Variants in NEK10 observed in about 807,000 individuals in gnomAD.
The protein encoded by NEK10 is serine/threonine-protein kinase Nek10.
Under a neutral mutation model 159.8 loss-of-function variants are expected in NEK10, and 122 were observed. The ratio of observed to expected loss-of-function variants is 0.76; its 90% CI spans 0.66 to 0.89. The LOEUF is 0.89. Ranked by LOEUF, NEK10 falls within the 40% of genes least tolerant of loss-of-function variation. The pLI, the probability that NEK10 is intolerant of heterozygous loss-of-function variation, is 0.00. For synonymous variants in NEK10, 466 were observed against 457.1 expected, an observed-to-expected ratio of 1.02 and a Z score of -0.25; for missense variants, 1,342 against 1,323.1, an observed-to-expected ratio of 1.01 and a Z score of -0.22.
Position 27,352,532 on chromosome 3 carries a change from G to C in NEK10, c.72-7C>G. On this transcript the variant is annotated splice_region_variant and splice_polypyrimidine_tract_variant and intron_variant, in intron 2 of 35. Coordinates refer to ENST00000691995, the MANE Select transcript of NEK10 (RefSeq NM_001394966.1). ...TTTAAGATCTGAATAGTCCCTAGGAGAGAGAATAACACAATGTGAACCCAC... is the reference window on the plus strand; with the variant it reads ...TTTAAGATCTGAATAGTCCCTAGGACAGAGAATAACACAATGTGAACCCAC... The C allele has an allele frequency of 6.2e-7, 1 of 1,601,236 alleles. No individual in the cohort carries two copies. Among genetic ancestry groups the C allele is most frequent in the Non-Finnish European group, 8.6e-7 (1 of 1,168,440 alleles).
chr3:27,252,790 A>G (rs902421570), intron 23 of NEK10: 10 of 439,506 alleles, frequency 2.3e-5, no homozygotes, highest in African/African-American at 4.0e-5. Context: ...GAGGGAGCCC[A>G]GATGAAACAG....
chr3:27,276,202 A>G (rs944304219), intron 22 of NEK10, among the ~76,000 whole-genome samples: 5 of 152,070 alleles, frequency 3.3e-5, no homozygotes, highest in African/African-American at 1.2e-4. Flanking sequence ...CAGAGAAAGA[A>G]GGTCAAGAAA....
At chr3:27,125,870 C>A (rs1296968988) in intron 32 of NEK10, among the ~76,000 whole-genome samples, 1 of 152,156 alleles carries the variant, frequency 6.6e-6, no homozygotes, top group Non-Finnish European at 1.5e-5. Context: ...AACCACTGTT[C>A]TACACTACTT....
intron 23 of NEK10, among the ~76,000 whole-genome samples, chr3:27,217,952 CTA>C (rs1951698937): frequency 1.3e-5 from 2 of 152,048 alleles, no homozygotes; most frequent in Non-Finnish European, 2.9e-5. Context: ...TTAACAATAA[CTA>C]ATAACAAAAT....
At chr3:27,157,054 A>C (rs1320086685) in intron 30 of NEK10, among the ~76,000 whole-genome samples, 2 of 147,936 alleles carry the variant, frequency 1.4e-5, no homozygotes, top group African/African-American at 5.0e-5. Flanking sequence ...ACTGGAGACT[A>C]TTATTCTAAG....
chr3:27,285,071 C>G (rs895398553), intron 20 of NEK10, 110 bp from the exon 21 acceptor site: 1 of 767,208 alleles, frequency 1.3e-6, no homozygotes, highest in Admixed American at 3.0e-5. Context: ...GACACTAACA[C>G]TAAAGAATTA....
At chr3:27,204,286 T>TTTTTTGTTG (rs1559605934) in intron 23 of NEK10, among the ~76,000 whole-genome samples, 18 of 112,198 alleles carry the variant, frequency 1.6e-4, no homozygotes, top group African/African-American at 6.3e-4. Flanking sequence ...TTTTTTTTTT[T>TTTTTTGTTG]TTTTTTTTGT....
At chr3:27,326,543 T>G (rs2046012789) in intron 5 of NEK10, among the ~76,000 whole-genome samples, 1 of 152,148 alleles carries the variant, frequency 6.6e-6, no homozygotes, top group African/African-American at 2.4e-5. Flanking sequence ...ATAAAAAGTT[T>G]GTTTCCTTCC....
chr3:27,360,586 G>A (rs2048616778), intron 1 of NEK10, among the ~76,000 whole-genome samples: 1 of 152,184 alleles, frequency 6.6e-6, no homozygotes, highest in Non-Finnish European at 1.5e-5. Flanking sequence ...AAAACTCTAA[G>A]GCAGATGGGA....
intron 32 of NEK10, among the ~76,000 whole-genome samples, chr3:27,123,750 T>C (rs546196670): frequency 6.6e-6 from 1 of 152,042 alleles, no homozygotes; most frequent in South Asian, 2.1e-4. Flanking sequence ...AAGGCTTCCA[T>C]GAAAAAGTGA....
At chr3:27,195,151 T>C (rs1170188592) in intron 25 of NEK10, among the ~76,000 whole-genome samples, 2 of 152,274 alleles carry the variant, frequency 1.3e-5, no homozygotes, top group Admixed American at 6.5e-5. Flanking sequence ...TTAGAAACAA[T>C]ATAATTTTTA....
intron 22 of NEK10, among the ~76,000 whole-genome samples, chr3:27,263,785 C>T (rs1206266538): frequency 2.0e-5 from 3 of 152,136 alleles, no homozygotes; most frequent in Admixed American, 6.5e-5. Context: ...AATGCCTCGC[C>T]CTGCTTTGGC....
At chr3:27,279,651 G>A (rs936766383) in intron 22 of NEK10, among the ~76,000 whole-genome samples, 1 of 152,046 alleles carries the variant, frequency 6.6e-6, no homozygotes, top group Non-Finnish European at 1.5e-5. Context: ...TATCTTTTCA[G>A]TCATAAAATC....
At chr3:27,291,725 C>T (rs1383098894) in intron 16 of NEK10, 139 bp from the exon 17 acceptor site, 5 of 599,976 alleles carry the variant, frequency 8.3e-6, no homozygotes, top group African/African-American at 1.9e-5. Flanking sequence ...TCACTGCAAG[C>T]TCTGCCTCCC....
chr3:27,366,044 T>C (rs976348586), intron 1 of NEK10, among the ~76,000 whole-genome samples: 1 of 152,160 alleles, frequency 6.6e-6, no homozygotes, highest in African/African-American at 2.4e-5. Context: ...ATGATTACTA[T>C]TCCCTCATCC....
In NEK10 at chr3:27,303,608, A is replaced by G. The variant is rs550675276; in HGVS notation, c.1028+1139T>C. Among the ~76,000 whole-genome samples the G allele has an allele frequency of 1.2e-4, 19 of 152,336 alleles. No individual in the cohort carries two copies. The East Asian group carries it at 3.1e-3, about 25-fold the overall frequency. ...TATTTTTATGTCACATTCATGAAGCAAGTGGGTTGTCAACAGTCTATAAAT... is the reference window on the plus strand; with the variant it reads ...TATTTTTATGTCACATTCATGAAGCGAGTGGGTTGTCAACAGTCTATAAAT... On this transcript the variant is annotated intron_variant, in intron 12 of 35. Coordinates refer to ENST00000691995, the MANE Select transcript of NEK10 (RefSeq NM_001394966.1).
At chr3:27,245,245 ATTC>A (rs1413841745) in intron 23 of NEK10, among the ~76,000 whole-genome samples, 1 of 151,502 alleles carries the variant, frequency 6.6e-6, no homozygotes, top group African/African-American at 2.4e-5. Flanking sequence ...CATTTGGGGG[ATTC>A]TTCTTCTTTT....
intron 23 of NEK10, among the ~76,000 whole-genome samples, chr3:27,223,202 C>G (rs1952292198): frequency 6.6e-6 from 1 of 152,194 alleles, no homozygotes; most frequent in African/African-American, 2.4e-5. Flanking sequence ...TGCTTGCTCC[C>G]TTTCTCACAT....
chr3:27,119,450 A>C lies in NEK10; in HGVS notation c.3190+310T>G, dbSNP rs138636335. Reference sequence around the variant, plus strand: ...TTATTTCTGCTCTTTATCTCCCTACATGCTTTAGGGAATTTGATTTCCCAT... The same window carrying C: ...TTATTTCTGCTCTTTATCTCCCTACCTGCTTTAGGGAATTTGATTTCCCAT... On this transcript the variant is annotated intron_variant, in intron 33 of 35. Transcript: ENST00000691995. Among the ~76,000 whole-genome samples the C allele has an allele frequency of 1.4e-4, 21 of 152,230 alleles. No homozygotes were observed. The East Asian group carries it at 3.7e-3, about 27-fold the overall frequency.
Sources: allele counts gnomAD v4.1 joint callset (sites outside exome capture counted in the v4.1 genomes callset), GRCh38; gene constraint gnomAD v4.1.1; transcripts MANE v1.5; gene names NCBI Gene and HGNC (gene_info 2026-07-23, HGNC 2026-07-21).